Variants in NOP9 observed in about 807,000 individuals in gnomAD.
NOP9 encodes nucleolar protein 9.
Under a neutral mutation model 63.0 loss-of-function variants are expected in NOP9, and 50 were observed. The ratio of observed to expected loss-of-function variants is 0.79; its 90% CI spans 0.63 to 1.00. The LOEUF (loss-of-function observed/expected upper bound fraction) is 1.00, where lower values mean the gene tolerates loss of function less well. Among genes scored for constraint, NOP9 ranks in the 50% least tolerant of loss-of-function variants. NOP9 has a pLI of 0.00. For synonymous variants in NOP9, 343 were observed against 332.8 expected, an observed-to-expected ratio of 1.03 and a Z score of -0.33; for missense variants, 758 against 803.0, an observed-to-expected ratio of 0.94 and a Z score of 0.68.
the NOP9 span, among the ~76,000 whole-genome samples, chr14:24,275,658 G>A: frequency 1.3e-5 from 2 of 152,224 alleles, no homozygotes; most frequent in African/African-American, 2.4e-5. Context: ...AGGGGGCCAC[G>A]AGCCCTGGGT....
the NOP9 span, chr14:24,291,979 T>C: frequency 1.5e-6 from 1 of 685,082 alleles, no homozygotes; most frequent in South Asian, 1.9e-5. Flanking sequence ...AACAAGTTTC[T>C]AAACCTCTCT....
chr14:24,281,931 G>A, the NOP9 span, among the ~76,000 whole-genome samples: 6 of 152,322 alleles, frequency 3.9e-5, no homozygotes, highest in South Asian at 2.1e-4. Flanking sequence ...ACCAGAGGCC[G>A]GCACAGTGGC....
Position 24,299,898 on chromosome 14 carries a change from C to G in NOP9, c.-57C>G, listed in dbSNP as rs1027962010. 6.7e-7 allele frequency: 1 copy of G among 1,499,414 alleles called. No homozygotes were observed. The highest frequency in any genetic ancestry group is 8.9e-7 in the Non-Finnish European group (1 of 1,127,240). The allele number at this position is 1,499,414 out of a possible 1,614,324, so 92.9% of individuals were successfully genotyped here. A position where few individuals can be genotyped will look rare whatever the true frequency, so the allele number is the denominator to read the frequency against. ...GGATAAGGCGCACGCTTGGCGACGT[C>G]GAAGGTCCGTCCGCAGTTAAGGAAG... On this transcript the variant is annotated 5_prime_UTR_variant, in exon 1 of 10. Transcript: ENST00000267425.
At chr14:24,300,990 T>C (rs2041366806) in intron 2 of NOP9, 133 bp downstream of exon 2, 1 of 727,998 alleles carries the variant, frequency 1.4e-6, no homozygotes, top group Non-Finnish European at 2.2e-6. Flanking sequence ...TGTCCTAATC[T>C]GAACAGGGCT....
chr14:24,298,550 C>T (rs773619543), upstream of NOP9, among the ~76,000 whole-genome samples: 4 of 152,088 alleles, frequency 2.6e-5, no homozygotes, highest in Non-Finnish European at 4.4e-5. Flanking sequence ...AGTTGCAATT[C>T]CAAAATCTCT....
the NOP9 span, among the ~76,000 whole-genome samples, chr14:24,273,254 C>T: frequency 6.6e-6 from 1 of 150,754 alleles, no homozygotes. Context: ...TCTCTGCTTA[C>T]TGCAACCTCT....
upstream of NOP9, chr14:24,299,670 G>A: frequency 2.6e-6 from 1 of 380,762 alleles, no homozygotes; most frequent in East Asian, 4.0e-5. Flanking sequence ...CGACGTGGAG[G>A]CAGTGTTCAA....
At chr14:24,271,205 CT>C in the NOP9 span, 2 of 1,427,088 alleles carry the variant, frequency 1.4e-6, no homozygotes, top group South Asian at 3.0e-5. Context: ...AGCCCCGCCC[CT>C]ACTAGCTCCG....
At position 24,302,103 on chromosome 14, in the gene NOP9, G is replaced by A. The variant is rs779726178; in HGVS notation, c.947G>A (p.Gly316Asp). Reference protein sequence around the residue: ...YLSTRGSSVDGSPLLLFLRDQ... With the variant: ...YLSTRGSSVDDSPLLLFLRDQ... ...AGTACTCGCGGTTCCTCAGTAGATG[G>A]CAGGTATGGTCAGGGCCTCAGGATC... Residue 316 changes from glycine (G) to aspartate (D), a missense_variant, in exon 4 of 10, where the codon GGC becomes GAC. Physicochemically the swap from Gly to Asp is moderately conservative, Grantham distance 94 (BLOSUM62 -1). Coordinates refer to ENST00000267425, the MANE Select transcript of NOP9 (RefSeq NM_174913.3). 1.9e-6 allele frequency: 3 copies of A among 1,613,340 alleles called. No homozygotes were observed. The East Asian group carries it at 6.7e-5, about 36-fold the overall frequency.
At chr14:24,292,588 T>G in the NOP9 span, 17 of 1,613,508 alleles carry the variant, frequency 1.1e-5, no homozygotes, top group African/African-American at 1.7e-4. Context: ...GGATTGTACC[T>G]CCTGAGCTAT....
At chr14:24,282,558 G>A in the NOP9 span, among the ~76,000 whole-genome samples, 1 of 152,266 alleles carries the variant, frequency 6.6e-6, no homozygotes, top group African/African-American at 2.4e-5. Context: ...GGCCCTCTAG[G>A]GATGCTCAGG....
chr14:24,298,796 C>A, upstream of NOP9: 1 of 978,644 alleles, frequency 1.0e-6, no homozygotes, highest in Middle Eastern at 3.2e-4. Flanking sequence ...TTCTACCTTA[C>A]CTGAAGTTAT....
At chr14:24,291,215 G>A in the NOP9 span, 18 of 1,614,006 alleles carry the variant, frequency 1.1e-5, no homozygotes, top group Non-Finnish European at 1.5e-5. Context: ...TCAGGATATT[G>A]GGATCTGCGG....
At chr14:24,278,367 C>T in the NOP9 span, among the ~76,000 whole-genome samples, 2 of 152,204 alleles carry the variant, frequency 1.3e-5, no homozygotes, top group African/African-American at 4.8e-5. Flanking sequence ...ATAGGACATC[C>T]ATCACCAAAT....
chr14:24,290,726 G>T, the NOP9 span: 2 of 1,184,284 alleles, frequency 1.7e-6, no homozygotes, highest in Non-Finnish European at 2.4e-6. Context: ...ACTCACCACG[G>T]ACACACAGCA....
the NOP9 span, among the ~76,000 whole-genome samples, chr14:24,274,669 T>G: frequency 6.6e-6 from 1 of 150,600 alleles, no homozygotes; most frequent in Non-Finnish European, 1.5e-5. Flanking sequence ...GGAGTAGTGG[T>G]GCGGTGTCTG....
chr14:24,279,230 G>A, the NOP9 span, among the ~76,000 whole-genome samples: 1 of 152,236 alleles, frequency 6.6e-6, no homozygotes, highest in Non-Finnish European at 1.5e-5. Flanking sequence ...CTGGGATGGA[G>A]CAGGGGACTA....
the NOP9 span, among the ~76,000 whole-genome samples, chr14:24,273,140 T>C: frequency 6.6e-6 from 1 of 152,190 alleles, no homozygotes; most frequent in Admixed American, 6.5e-5. Flanking sequence ...TGTGTGTGTT[T>C]ATAACTCACA....
Position 24,307,295 on chromosome 14 carries a change from A to G in NOP9, c.*2200A>G. On this transcript the variant is annotated 3_prime_UTR_variant, in exon 10 of 10. Transcript: ENST00000267425. ...CTGTGTGACTTCAGCCCTCTGCTCC[A>G]TCATCACAAGTTGCCACTGTTGTGG... 2 of 1,497,998 alleles carry G rather than the reference A, an allele frequency of 1.3e-6. No individual in the cohort carries two copies. The highest frequency in any genetic ancestry group is 1.3e-5 in the South Asian group (1 of 79,584). The allele number at this position is 1,497,998 out of a possible 1,614,324, so 92.8% of individuals were successfully genotyped here.
Sources: gnomAD v4.1 joint callset for allele counts (sites outside exome capture counted in the v4.1 genomes callset) on GRCh38, gnomAD v4.1.1 for gene constraint, MANE v1.5 for transcripts, NCBI Gene and HGNC (gene_info 2026-07-23, HGNC 2026-07-21) for gene names.